Variants in ABTB3 observed in about 807,000 individuals in gnomAD.
ABTB3 encodes ankyrin repeat- and BTB/POZ domain-containing protein 3.
At chr12:107,405,032 C>T in the ABTB3 span, among the ~76,000 whole-genome samples, 1 of 152,204 alleles carries the variant, frequency 6.6e-6, no homozygotes, top group Non-Finnish European at 1.5e-5. Context: ...CAGGTTGGTG[C>T]AGATCCAAGG....
At chr12:107,405,849 G>A in the ABTB3 span, among the ~76,000 whole-genome samples, 2 of 152,242 alleles carry the variant, frequency 1.3e-5, no homozygotes, top group African/African-American at 4.8e-5. Context: ...GGAGACCTGA[G>A]TGGAGGTCCC....
the ABTB3 span, among the ~76,000 whole-genome samples, chr12:107,479,609 G>A: frequency 6.6e-6 from 1 of 152,024 alleles, no homozygotes; most frequent in Non-Finnish European, 1.5e-5. Context: ...ATTAGAATTT[G>A]TTCCCTGTCC....
the ABTB3 span, among the ~76,000 whole-genome samples, chr12:107,528,522 G>T: frequency 6.6e-6 from 1 of 152,192 alleles, no homozygotes. Context: ...TCTCAGGTAG[G>T]CTTCTAAAAT....
the ABTB3 span, among the ~76,000 whole-genome samples, chr12:107,562,921 C>A: frequency 6.6e-6 from 1 of 152,204 alleles, no homozygotes; most frequent in Non-Finnish European, 1.5e-5. Flanking sequence ...GGACCAGTTT[C>A]ATTGTGCTGG....
At chr12:107,521,177 C>T in the ABTB3 span, among the ~76,000 whole-genome samples, 1 of 151,818 alleles carries the variant, frequency 6.6e-6, no homozygotes, top group Non-Finnish European at 1.5e-5. Flanking sequence ...AGATAATTAT[C>T]GTTGGCTACA....
chr12:107,649,478 C>A, the ABTB3 span: 3 of 563,438 alleles, frequency 5.3e-6, no homozygotes, highest in Non-Finnish European at 9.6e-6. Context: ...CCTTCCCTGG[C>A]AGGCTGGGGT....
the ABTB3 span, among the ~76,000 whole-genome samples, chr12:107,472,694 C>A: frequency 6.6e-6 from 1 of 152,210 alleles, no homozygotes. Flanking sequence ...AGCACCGCGC[C>A]AAGTGGGAAC....
At chr12:107,384,535 A>G in the ABTB3 span, among the ~76,000 whole-genome samples, 1 of 152,176 alleles carries the variant, frequency 6.6e-6, no homozygotes, top group East Asian at 1.9e-4. Flanking sequence ...CCCGAAGGAA[A>G]CTTATTGGGG....
the ABTB3 span, chr12:107,319,363 G>A: frequency 6.4e-7 from 1 of 1,566,906 alleles, no homozygotes; most frequent in Non-Finnish European, 8.6e-7. Context: ...GGGCGCTGGT[G>A]CGCATAGCCA....
At chr12:107,610,081 A>G in the ABTB3 span, 5 of 1,325,946 alleles carry the variant, frequency 3.8e-6, no homozygotes, top group East Asian at 1.2e-4. Flanking sequence ...AGGAACAGGC[A>G]ATTTACATGA....
At chr12:107,482,985 TTTCCTTCCTTCCTTCCTTCCTTCTTTCC>T in the ABTB3 span, among the ~76,000 whole-genome samples, 2 of 21,212 alleles carry the variant, frequency 9.4e-5, no homozygotes, top group African/African-American at 1.4e-4. Context: ...TCTTTCTTTC[TTTCCTTCCTTCCTTCCTTCCTTCTTTCC>T]TTCTTTCCTT....
At chr12:107,654,897 T>C in the ABTB3 span, among the ~76,000 whole-genome samples, 1 of 150,316 alleles carries the variant, frequency 6.7e-6, no homozygotes, top group African/African-American at 2.5e-5. Flanking sequence ...CAAAATCTGG[T>C]TTCTCAGGAC....
the ABTB3 span, among the ~76,000 whole-genome samples, chr12:107,602,769 C>A: frequency 6.6e-6 from 1 of 152,204 alleles, no homozygotes; most frequent in Non-Finnish European, 1.5e-5. Flanking sequence ...ATCCAGAGAT[C>A]AGCAGAATGC....
the ABTB3 span, among the ~76,000 whole-genome samples, chr12:107,462,569 G>C: frequency 6.6e-6 from 1 of 151,970 alleles, no homozygotes; most frequent in African/African-American, 2.4e-5. Context: ...TGATAGTGAT[G>C]ATAATGGTGG....
chr12:107,549,708 G>A, the ABTB3 span, among the ~76,000 whole-genome samples: 1 of 152,188 alleles, frequency 6.6e-6, no homozygotes, highest in Non-Finnish European at 1.5e-5. Context: ...AAAAATTGCA[G>A]TGTCAACCCT....
chr12:107,569,920 T>C, the ABTB3 span, among the ~76,000 whole-genome samples: 1 of 152,340 alleles, frequency 6.6e-6, no homozygotes, highest in South Asian at 2.1e-4. Context: ...ATTTGGCTGC[T>C]TGGGCACCAG....
chr12:107,476,762 T>A, the ABTB3 span, among the ~76,000 whole-genome samples: 8 of 151,238 alleles, frequency 5.3e-5, no homozygotes, highest in Admixed American at 5.3e-4. Context: ...CCCAAGCAGA[T>A]CATGAACTCC....
chr12:107,584,861 A>T, the ABTB3 span, among the ~76,000 whole-genome samples: 1 of 152,216 alleles, frequency 6.6e-6, no homozygotes, highest in Non-Finnish European at 1.5e-5. Flanking sequence ...TTATTCAAAA[A>T]GGAATTCCAT....
the ABTB3 span, among the ~76,000 whole-genome samples, chr12:107,539,884 A>G: frequency 2.6e-5 from 4 of 152,336 alleles, no homozygotes; most frequent in East Asian, 3.9e-4. Flanking sequence ...TTTCAGCAGT[A>G]GTTCCCCACG....
Sources: allele counts gnomAD v4.1 joint callset (sites outside exome capture counted in the v4.1 genomes callset), GRCh38; gene constraint gnomAD v4.1.1; transcripts MANE v1.5; gene names NCBI Gene and HGNC (gene_info 2026-07-23, HGNC 2026-07-21).